The following ACSS3 variants were observed in gnomAD, a reference collection of about 807,000 sequenced individuals.
The protein encoded by ACSS3 is acyl-CoA synthetase short chain family member 3.
ACSS3 carries 64 observed loss-of-function variants against 84.2 expected under a neutral mutation model. The observed-to-expected ratio is 0.76, with a 90% confidence interval of 0.62 to 0.94. The LOEUF (loss-of-function observed/expected upper bound fraction) is 0.94. Ranked by LOEUF, ACSS3 falls within the 40% of genes least tolerant of loss-of-function variation. The pLI is 0.00. For synonymous variants in ACSS3, 317 were observed against 310.1 expected, an observed-to-expected ratio of 1.02 and a Z score of -0.23; for missense variants, 815 against 867.6, an observed-to-expected ratio of 0.94 and a Z score of 0.76.
intron 13 of ACSS3, among the ~76,000 whole-genome samples, chr12:81,251,349 A>G (rs2136014993): frequency 6.6e-6 from 1 of 152,290 alleles, no homozygotes; most frequent in Non-Finnish European, 1.5e-5. Context: ...AGAGTAGACC[A>G]TAATGTAGTA....
rs759012460 is a variant in ACSS3 at position 81,109,603 on chromosome 12, C to T, written c.355C>T (p.Arg119Cys). 1.1e-5 allele frequency: 18 copies of T among 1,611,986 alleles called. No homozygotes were observed. The highest frequency in any genetic ancestry group is 2.7e-5 in the African/African-American group (2 of 74,830). Residue 119 changes from arginine to cysteine, a missense_variant, in exon 2 of 16, where the codon CGT becomes TGT. Physicochemically the swap from Arg to Cys is radical, Grantham distance 180 (BLOSUM62 -3). Coordinates refer to ENST00000548058, the MANE Select transcript of ACSS3 (RefSeq NM_024560.4). ...TAACATTTGTTACAATGCCGTTGAT[C>T]GTCATATTGAAAATGGTAAAGGGGA... ...MLNICYNAVD[R>C]HIENGKGDKI...
chr12:81,198,284 C>T (rs904519279), intron 8 of ACSS3, among the ~76,000 whole-genome samples: 3 of 151,946 alleles, frequency 2.0e-5, no homozygotes, highest in African/African-American at 7.3e-5. Flanking sequence ...CTAAAGAGCT[C>T]ATAGTGCAGT....
chr12:81,223,316 C>A (rs1000157388), intron 11 of ACSS3, among the ~76,000 whole-genome samples: 1 of 151,948 alleles, frequency 6.6e-6, no homozygotes, highest in African/African-American at 2.4e-5. Context: ...TACTTTAGTG[C>A]CTGACAATTT....
intron 5 of ACSS3, among the ~76,000 whole-genome samples, chr12:81,145,180 T>C (rs1351449274): frequency 1.3e-5 from 2 of 149,722 alleles, no homozygotes; most frequent in African/African-American, 4.9e-5. Context: ...CCTCCCAAAG[T>C]GCTGGGATTA....
At chr12:81,158,590 C>T (rs60018700) in intron 7 of ACSS3, 2,663 of 154,224 alleles carry the variant, frequency 0.017, 77 homozygotes, top group African/African-American at 0.06. Context: ...GCCATTTGCT[C>T]GATCCTAATC....
intron 13 of ACSS3, among the ~76,000 whole-genome samples, chr12:81,237,014 GC>G (rs2033650961): frequency 6.6e-6 from 1 of 151,500 alleles, no homozygotes; most frequent in Non-Finnish European, 1.5e-5. Flanking sequence ...GAGGGAGGCA[GC>G]CGTCCTTCCT....
At chr12:81,218,237 C>G (rs2032991853) in intron 10 of ACSS3, among the ~76,000 whole-genome samples, 1 of 152,148 alleles carries the variant, frequency 6.6e-6, no homozygotes, top group Non-Finnish European at 1.5e-5. Flanking sequence ...TTTAGACTAA[C>G]ACATTCATTT....
At chr12:81,130,540 T>C (rs996412562) in intron 2 of ACSS3, among the ~76,000 whole-genome samples, 5 of 152,214 alleles carry the variant, frequency 3.3e-5, no homozygotes, top group Admixed American at 1.3e-4. Flanking sequence ...CTTTGCCAGA[T>C]GGATAGATTG....
At chr12:81,141,565 T>C (rs1232950633) in intron 4 of ACSS3, among the ~76,000 whole-genome samples, 2 of 152,174 alleles carry the variant, frequency 1.3e-5, no homozygotes, top group African/African-American at 2.4e-5. Context: ...TTTTTTTTCC[T>C]CTGTTTCTCA....
rs771316510 is a variant in ACSS3 at position 81,143,153 on chromosome 12, A to T, written c.827A>T (p.Glu276Val). Residue 276 changes from glutamate to valine, a missense_variant, in exon 5 of 16, where the codon GAG becomes GTG. Transcript: ENST00000548058. ...GGTCGTGACCTTGATTGGGATGAAG[A>T]GATGGCAAAAGCCCAGTCACATGAC... ...APGRDLDWDE[E>V]MAKAQSHDCV... 4 of 1,613,720 alleles carry T rather than the reference A, an allele frequency of 2.5e-6. No homozygotes were observed. In the South Asian group the frequency reaches 4.4e-5, roughly 18 times the overall value.
chr12:81,124,933 G>T (rs1486393412), intron 2 of ACSS3, among the ~76,000 whole-genome samples: 1 of 152,102 alleles, frequency 6.6e-6, no homozygotes, highest in Non-Finnish European at 1.5e-5. Flanking sequence ...TGCATAAATT[G>T]TCCGGGCTTG....
At chr12:81,106,307 G>C (rs1882993771) in intron 1 of ACSS3, among the ~76,000 whole-genome samples, 1 of 152,142 alleles carries the variant, frequency 6.6e-6, no homozygotes, top group Non-Finnish European at 1.5e-5. Context: ...AGGAATCTAG[G>C]TTGCATTCTC....
chr12:81,122,975 T>C (rs1312029833), intron 2 of ACSS3, among the ~76,000 whole-genome samples: 6 of 152,184 alleles, frequency 3.9e-5, no homozygotes, highest in Admixed American at 2.6e-4. Flanking sequence ...TATCTATCAA[T>C]GGTACTTTTC....
In ACSS3 at chr12:81,199,312, A is replaced by T. The variant is rs779395324; in HGVS notation, c.1251-29A>T. Reference sequence around the variant, plus strand: ...AATTATTTAGATTTATTTTCCAGGAATAATTTGAATTCACTGTCTCATATT... The same window carrying T: ...AATTATTTAGATTTATTTTCCAGGATTAATTTGAATTCACTGTCTCATATT... On this transcript the variant is annotated intron_variant, in intron 8 of 15. Transcript: ENST00000548058. The T allele has an allele frequency of 1.2e-5, 18 of 1,559,054 alleles. No individual in the cohort carries two copies. In the South Asian group the frequency reaches 2.1e-4, roughly 18 times the overall value.
At chr12:81,233,520 G>T (rs750473686) in intron 13 of ACSS3, 49 bp downstream of exon 13, 2 of 1,601,416 alleles carry the variant, frequency 1.2e-6, no homozygotes, top group South Asian at 2.2e-5. Flanking sequence ...TAGGCACAGA[G>T]CTGCACTGAA....
intron 2 of ACSS3, among the ~76,000 whole-genome samples, chr12:81,130,725 T>C (rs372113991): frequency 1.3e-5 from 2 of 152,226 alleles, no homozygotes. Flanking sequence ...TGAATGCTAT[T>C]ACCTAGGTTT....
chr12:81,243,302 C>G (rs7309113), intron 13 of ACSS3, among the ~76,000 whole-genome samples: 65,604 of 151,828 alleles, frequency 0.43, 15,068 homozygotes, highest in Non-Finnish European at 0.52. Context: ...CAGCTTACAA[C>G]GGACGTGAAG....
At chr12:81,207,274 C>G (rs954430804) in intron 9 of ACSS3, among the ~76,000 whole-genome samples, 2 of 152,134 alleles carry the variant, frequency 1.3e-5, no homozygotes, top group Non-Finnish European at 2.9e-5. Flanking sequence ...CACGTAAACC[C>G]CTGCACTGGG....
At chr12:81,245,200 G>A (rs1009286239) in intron 13 of ACSS3, among the ~76,000 whole-genome samples, 2 of 152,140 alleles carry the variant, frequency 1.3e-5, no homozygotes, top group Non-Finnish European at 2.9e-5. Context: ...GGTGGCTCAC[G>A]CCTGTAATCC....
Sources: allele counts gnomAD v4.1 joint callset (sites outside exome capture counted in the v4.1 genomes callset), GRCh38; gene constraint gnomAD v4.1.1; transcripts MANE v1.5; gene names NCBI Gene and HGNC (gene_info 2026-07-23, HGNC 2026-07-21).